PRMT8: variants seen among roughly 807,000 people sequenced by gnomAD.
The protein encoded by PRMT8 is protein arginine methyltransferase 8, also known as protein arginine N-methyltransferase 8.
In PRMT8, 7 loss-of-function variants were observed where a neutral mutation model predicts 47.1. The ratio of observed to expected loss-of-function variants is 0.15; its 90% confidence interval spans 0.08 to 0.28. The LOEUF is 0.28. Ranked by LOEUF, PRMT8 falls within the 10% of genes least tolerant of loss-of-function variation. The probability of loss-of-function intolerance (pLI) is 1.00; values close to 1 mark genes in which losing one functional copy is unlikely to be tolerated. For missense variants in PRMT8, 237 were observed against 505.4 expected (o/e 0.47, Z 5.09); for synonymous variants, 188 against 186.5 (o/e 1.01, Z -0.07).
chr12:3,410,656 G>A (rs955358858), intron 1 of PRMT8, among the ~76,000 whole-genome samples: 3 of 152,114 alleles, frequency 2.0e-5, no homozygotes, highest in Non-Finnish European at 2.9e-5. Flanking sequence ...CTACAGGCAC[G>A]CGCCACCATG....
chr12:3,412,766 G>A (rs527665479), intron 1 of PRMT8, among the ~76,000 whole-genome samples: 120 of 152,206 alleles, frequency 7.9e-4, no homozygotes, highest in African/African-American at 2.7e-3. Flanking sequence ...TTATGGATGC[G>A]TTCCCTTATA....
At chr12:3,415,931 C>G (rs1048377770) in intron 1 of PRMT8, among the ~76,000 whole-genome samples, 5 of 152,114 alleles carry the variant, frequency 3.3e-5, no homozygotes, top group African/African-American at 1.2e-4. Flanking sequence ...GGGCTCTCCC[C>G]GCAGGACAGG....
chr12:3,396,794 ATCCTGCAGAG>A (rs1474159830), intron 1 of PRMT8, among the ~76,000 whole-genome samples: 1 of 151,974 alleles, frequency 6.6e-6, no homozygotes, highest in Non-Finnish European at 1.5e-5. Context: ...CCTGGATAAT[ATCCTGCAGAG>A]TGTTTTCCAA....
intron 1 of PRMT8, among the ~76,000 whole-genome samples, chr12:3,498,295 T>A (rs1369006879): frequency 6.6e-6 from 1 of 152,240 alleles, no homozygotes; most frequent in Non-Finnish European, 1.5e-5. Context: ...AAATGCTTTT[T>A]CTAGTCCGCT....
At chr12:3,470,992 G>C (rs75597490) in intron 1 of PRMT8, among the ~76,000 whole-genome samples, 12,636 of 152,274 alleles carry the variant, frequency 0.083, 569 homozygotes, top group Non-Finnish European at 0.1. Flanking sequence ...CTGGGCGGAA[G>C]CTGGGGGTTG....
chr12:3,441,573 G>C lies in PRMT8; in HGVS notation c.48+60131G>C, dbSNP rs570015370. On this transcript the variant is annotated intron_variant, in intron 1 of 9. Transcript: ENST00000452611. ...GTGCCCAGGAAAGGCCTGGCACACA[G>C]AGGGTGCTCCGTGCTCCACATGCCT... 7.9e-5 allele frequency among the ~76,000 whole-genome samples: 12 copies of C among 152,346 alleles called. No homozygotes were observed. The East Asian group carries it at 2.1e-3, about 27-fold the overall frequency.
At chr12:3,591,284 A>G (rs1322618098) in intron 8 of PRMT8, among the ~76,000 whole-genome samples, 1 of 152,158 alleles carries the variant, frequency 6.6e-6, no homozygotes, top group Non-Finnish European at 1.5e-5. Context: ...GGGCTGTGGA[A>G]CAAGAACCAT....
In PRMT8 at chr12:3,492,993, C is replaced by T. The variant is rs552206640; in HGVS notation, c.75+1293C>T. ...AGAGAGACCCTTCCTGGTCTTCTTC[C>T]CTCGAGTTCTTAACTCTGCGCTAAA... On this transcript the variant is annotated intron_variant, in intron 1 of 9. Coordinates refer to ENST00000382622, the MANE Select transcript of PRMT8 (RefSeq NM_019854.5). The surrounding 1 kb of genome is among the most constrained non-coding windows in gnomAD (Gnocchi z 7.5). Among the ~76,000 whole-genome samples, 1 of 152,136 alleles carries T rather than the reference C, an allele frequency of 6.6e-6. No individual in the cohort carries two copies. Among genetic ancestry groups the T allele is most frequent in the Non-Finnish European group, 1.5e-5 (1 of 68,040 alleles).
chr12:3,416,174 C>T (rs771446481), intron 1 of PRMT8, among the ~76,000 whole-genome samples: 2 of 152,212 alleles, frequency 1.3e-5, no homozygotes, highest in African/African-American at 2.4e-5. Context: ...CTGTAACCCC[C>T]TACAACTCTG....
Position 3,557,300 on chromosome 12 carries a change from T to C in PRMT8, c.481+3586T>C, listed in dbSNP as rs774423363. On this transcript the variant is annotated intron_variant, in intron 4 of 9. Transcript: ENST00000382622. This position sits in a 1 kb window ranked among gnomAD's most constrained non-coding sequence, Gnocchi z 4.7. ...CGGGATCAGGGCTTTGCTGGGAGCA[T>C]GCAGCAGAGGGAGGGGGAGCTGGAA... Among the ~76,000 whole-genome samples the C allele has an allele frequency of 2.0e-5, 3 of 152,018 alleles. No individual in the cohort carries two copies. Among genetic ancestry groups the C allele is most frequent in the Non-Finnish European group, 4.4e-5 (3 of 67,986 alleles).
chr12:3,489,050 T>C (rs1056965865), upstream of PRMT8, among the ~76,000 whole-genome samples: 3 of 152,182 alleles, frequency 2.0e-5, no homozygotes, highest in East Asian at 1.9e-4. Flanking sequence ...CCTAGTGGCA[T>C]AGGCTCCTCA....
At chr12:3,465,361 T>A (rs1324963783) in intron 1 of PRMT8, among the ~76,000 whole-genome samples, 1 of 151,110 alleles carries the variant, frequency 6.6e-6, no homozygotes, top group Non-Finnish European at 1.5e-5. Context: ...CTTTGTTCTC[T>A]GAACACACCT....
intron 1 of PRMT8, among the ~76,000 whole-genome samples, chr12:3,523,634 A>G (rs1328506675): frequency 6.6e-6 from 1 of 152,204 alleles, no homozygotes; most frequent in Non-Finnish European, 1.5e-5. Context: ...AGCTCTTAAT[A>G]AGAGCGACTG....
chr12:3,444,802 A>G (rs2137076126), intron 1 of PRMT8, among the ~76,000 whole-genome samples: 1 of 152,366 alleles, frequency 6.6e-6, no homozygotes, highest in East Asian at 1.9e-4. Flanking sequence ...ACGAATATGG[A>G]GGGCCAAGCT....
rs144835116 is a variant in PRMT8, at chr12:3,404,501, A to G, written c.48+23059A>G. ...AAGAAATAGAACATTAGAGAATATC[A>G]TCTGTACCCCAGAAACTCTCCATTA... On this transcript the variant is annotated intron_variant, in intron 1 of 9. Coordinates refer to the PRMT8 transcript ENST00000452611. Among the ~76,000 whole-genome samples, 615 of 152,334 alleles carry G rather than the reference A, an allele frequency of 4.0e-3. 3 individuals are homozygous for G. The highest frequency in any genetic ancestry group is 6.1e-3 in the Non-Finnish European group (416 of 68,012).
intron 1 of PRMT8, chr12:3,381,455 G>C: frequency 6.5e-7 from 1 of 1,535,934 alleles, no homozygotes; most frequent in Non-Finnish European, 8.7e-7. Flanking sequence ...AAGTCAGCTT[G>C]TATGGTAATT....
rs1026544187 is a variant in PRMT8 at position 3,492,225 on chromosome 12, C to G, written c.75+525C>G. On this transcript the variant is annotated intron_variant, in intron 1 of 9. Transcript: ENST00000382622. The surrounding 1 kb of genome is among the most constrained non-coding windows in gnomAD (Gnocchi z 7.5). ...TCCCCGCAGCCGCGCGGAGAGCCCCCGGCCGCGGGGGCCGAGCCGGCAGGA... is the reference window on the plus strand; with the variant it reads ...TCCCCGCAGCCGCGCGGAGAGCCCCGGGCCGCGGGGGCCGAGCCGGCAGGA... 6.6e-6 allele frequency among the ~76,000 whole-genome samples: 1 copy of G among 152,092 alleles called. No homozygotes were observed. Among genetic ancestry groups the G allele is most frequent in the African/African-American group, 2.4e-5 (1 of 41,428 alleles).
At chr12:3,439,117 A>G (rs1864773030) in intron 1 of PRMT8, among the ~76,000 whole-genome samples, 1 of 152,272 alleles carries the variant, frequency 6.6e-6, no homozygotes, top group South Asian at 2.1e-4. Context: ...TGTATCATGC[A>G]TACCTTTGGA....
chr12:3,412,751 C>T (rs7307236), intron 1 of PRMT8, among the ~76,000 whole-genome samples: 46,055 of 151,994 alleles, frequency 0.3, 8,101 homozygotes, highest in African/African-American at 0.48. Flanking sequence ...GTGGAGATAA[C>T]TGAATTATGG....
Sources: allele counts gnomAD v4.1 joint callset (sites outside exome capture counted in the v4.1 genomes callset), GRCh38; gene constraint gnomAD v4.1.1; non-coding constraint Gnocchi (gnomAD v3.1); transcripts MANE v1.5; gene names NCBI Gene and HGNC (gene_info 2026-07-23, HGNC 2026-07-21).